KCNN2: variants seen among roughly 807,000 people sequenced by gnomAD.
KCNN2 encodes the protein small conductance calcium-activated potassium channel protein 2.
In KCNN2, 24 loss-of-function variants were observed where a neutral mutation model predicts 55.5. That is an observed-to-expected ratio of 0.43 (90% CI 0.31 to 0.61). KCNN2 has a LOEUF of 0.61. Among genes scored for constraint, KCNN2 ranks in the 20% least tolerant of loss-of-function variants. The pLI is 0.08. For synonymous variants in KCNN2, 431 were observed against 336.1 expected (o/e 1.28, Z -3.09); for missense variants, 754 against 853.6 (o/e 0.88, Z 1.45).
chr5:114,088,870 T>C (rs1906220), intron 1 of KCNN2, among the ~76,000 whole-genome samples: 92,203 of 152,050 alleles, frequency 0.61, 27,988 homozygotes, highest in East Asian at 0.67. Flanking sequence ...ATCCACCCAC[T>C]TTGTCCTCCA....
In KCNN2 at chr5:114,165,598, C is replaced by T. The variant is rs1292189070; in HGVS notation, c.-270-55882C>T. On this transcript the variant is annotated intron_variant, in intron 1 of 10. Coordinates refer to the KCNN2 transcript ENST00000512097. ...CTGTAAGATATTAAAACCATACTGC[C>T]TGTTTAGATTTGGTTCTTATCCATG... is the stretch of plus-strand genomic sequence containing the variant. Among the ~76,000 whole-genome samples the T allele has an allele frequency of 2.6e-5, 4 of 152,046 alleles. No homozygotes were observed. In the East Asian group the frequency reaches 7.7e-4, roughly 29 times the overall value.
intron 3 of KCNN2, among the ~76,000 whole-genome samples, chr5:114,439,562 A>G (rs1760134491): frequency 6.6e-6 from 1 of 152,132 alleles, no homozygotes; most frequent in Admixed American, 6.5e-5. Context: ...TTCTGATTTC[A>G]CTGGTCTTGG....
At chr5:114,398,721 G>A (rs163209) in intron 2 of KCNN2, among the ~76,000 whole-genome samples, 1 of 151,848 alleles carries the variant, frequency 6.6e-6, no homozygotes, top group Non-Finnish European at 1.5e-5. Flanking sequence ...ATTTCTTTGG[G>A]CAGTGTTTTG....
chr5:114,320,563 G>A lies in KCNN2; in HGVS notation c.-184-40382G>A, dbSNP rs868545581. Among the ~76,000 whole-genome samples, 28 of 151,444 alleles carry A rather than the reference G, an allele frequency of 1.8e-4. No homozygotes were observed. The Middle Eastern group carries it at 0.01, about 55-fold the overall frequency. On this transcript the variant is annotated intron_variant, in intron 2 of 10. Coordinates refer to the KCNN2 transcript ENST00000512097. ...CGGGAGGTGGAGCTGGCAGTGAGCC[G>A]AGATCGCGCCACTGCACTCCAGCCT... is the stretch of plus-strand genomic sequence containing the variant.
chr5:114,121,484 G>A (rs1038582238), intron 1 of KCNN2, among the ~76,000 whole-genome samples: 1 of 152,104 alleles, frequency 6.6e-6, no homozygotes, highest in South Asian at 2.1e-4. Flanking sequence ...CCTATATACT[G>A]GCTCTTGCTT....
In KCNN2 at chr5:114,476,117, A is replaced by G. The variant is rs528105190; in HGVS notation, c.1890+2953A>G. 2.0e-5 allele frequency among the ~76,000 whole-genome samples: 3 copies of G among 151,804 alleles called. No homozygotes were observed. In the East Asian group the frequency reaches 5.9e-4, roughly 30 times the overall value. ...TTAGTTACATATGTATACATGTGCC[A>G]TGCTGGTGCGCTGCACCCACTAACT... is the stretch of plus-strand genomic sequence containing the variant. On this transcript the variant is annotated intron_variant, in intron 5 of 7. Coordinates refer to ENST00000673685, the MANE Select transcript of KCNN2 (RefSeq NM_021614.4).
chr5:114,363,389 A>G, intron 1 of KCNN2, 128 bp downstream of exon 1: 7 of 1,202,318 alleles, frequency 5.8e-6, no homozygotes, highest in Non-Finnish European at 7.9e-6. Context: ...CCGCCAGGAC[A>G]GCGGGCGCGT....
At chr5:114,104,282 C>G (rs1751434592) in intron 1 of KCNN2, among the ~76,000 whole-genome samples, 1 of 152,060 alleles carries the variant, frequency 6.6e-6, no homozygotes, top group African/African-American at 2.4e-5. Flanking sequence ...TCCCCTTTAT[C>G]ATTTTTTATT....
chr5:114,118,206 C>G (rs1751749877), intron 1 of KCNN2, among the ~76,000 whole-genome samples: 1 of 152,124 alleles, frequency 6.6e-6, no homozygotes, highest in Non-Finnish European at 1.5e-5. Flanking sequence ...AGCTGCGGTG[C>G]TCTATTGTTG....
chr5:114,407,696 C>T (rs897649137), intron 3 of KCNN2, among the ~76,000 whole-genome samples: 5 of 152,132 alleles, frequency 3.3e-5, no homozygotes, highest in Admixed American at 2.0e-4. Flanking sequence ...ACCAGTGCAT[C>T]GGAAGTCTTT....
intron 6 of KCNN2, chr5:114,489,024 A>T (rs2150139053): frequency 6.6e-6 from 1 of 152,290 alleles, no homozygotes; most frequent in East Asian, 1.9e-4. Context: ...CTTTCCTGTC[A>T]GTCAGACCTA....
intron 3 of KCNN2, among the ~76,000 whole-genome samples, chr5:114,456,001 T>A (rs878956264): frequency 3.9e-5 from 6 of 152,202 alleles, no homozygotes; most frequent in Admixed American, 3.9e-4. Context: ...GAAGTGCTGA[T>A]GTGGCGACAG....
intron 3 of KCNN2, among the ~76,000 whole-genome samples, chr5:114,428,458 C>G: frequency 6.6e-6 from 1 of 151,908 alleles, no homozygotes; most frequent in Admixed American, 6.6e-5. Flanking sequence ...TAGTTTTGAA[C>G]TCTTTAGAAA....
At chr5:114,125,693 A>G (rs924418932) in intron 1 of KCNN2, among the ~76,000 whole-genome samples, 12 of 152,250 alleles carry the variant, frequency 7.9e-5, no homozygotes, top group Non-Finnish European at 1.5e-4. Flanking sequence ...ATTTTCTTAC[A>G]GTTCTGGAGG....
chr5:114,216,561 T>G (rs1413087324), intron 1 of KCNN2, among the ~76,000 whole-genome samples: 2 of 152,106 alleles, frequency 1.3e-5, no homozygotes, highest in Non-Finnish European at 2.9e-5. Context: ...AATTTATCAA[T>G]AGATACAGAA....
At chr5:114,448,223 A>G (rs964073390) in intron 3 of KCNN2, among the ~76,000 whole-genome samples, 2 of 151,434 alleles carry the variant, frequency 1.3e-5, no homozygotes, top group African/African-American at 4.9e-5. Flanking sequence ...TCTTCCCTTC[A>G]TTTCTTATTT....
chr5:114,372,369 C>T (rs1388146764), intron 2 of KCNN2, among the ~76,000 whole-genome samples: 2 of 152,130 alleles, frequency 1.3e-5, no homozygotes, highest in Admixed American at 6.6e-5. Flanking sequence ...ACTCTATGAA[C>T]TCTATTAGCC....
chr5:114,279,470 G>A (rs528152646), intron 2 of KCNN2, among the ~76,000 whole-genome samples: 60 of 152,100 alleles, frequency 3.9e-4, no homozygotes, highest in Non-Finnish European at 7.9e-4. Context: ...CCCACAACAG[G>A]CCCCAGTGTG....
chr5:114,161,211 A>ATC (rs1752772779), intron 1 of KCNN2, among the ~76,000 whole-genome samples: 2 of 151,408 alleles, frequency 1.3e-5, no homozygotes, highest in Admixed American at 6.6e-5. Flanking sequence ...TGGTGACAAA[A>ATC]TCTCAGCATT....
Sources: gnomAD v4.1 joint callset for allele counts (sites outside exome capture counted in the v4.1 genomes callset) on GRCh38, gnomAD v4.1.1 for gene constraint, MANE v1.5 for transcripts, NCBI Gene and HGNC (gene_info 2026-07-23, HGNC 2026-07-21) for gene names.